ABCA5: variants seen among roughly 807,000 people sequenced by gnomAD.
The protein encoded by ABCA5 is ATP binding cassette subfamily A member 5, also known as cholesterol transporter ABCA5.
In ABCA5, 163 loss-of-function variants were observed where a neutral mutation model predicts 206.0. That is an observed-to-expected ratio of 0.79 (90% CI 0.70 to 0.90). ABCA5 has a LOEUF of 0.90. Among genes scored for constraint, ABCA5 ranks in the 40% least tolerant of loss-of-function variants. The pLI, the probability that ABCA5 is intolerant of heterozygous loss-of-function variation, is 0.00. For missense variants in ABCA5, 1,859 were observed against 1,912.9 expected, an observed-to-expected ratio of 0.97 and a Z score of 0.53; for synonymous variants, 609 against 613.8, an observed-to-expected ratio of 0.99 and a Z score of 0.11.
chr17:69,265,035 G>T, intron 23 of ABCA5, 130 bp from the exon 24 acceptor site: 1 of 523,162 alleles, frequency 1.9e-6, no homozygotes, highest in Non-Finnish European at 3.1e-6. Context: ...CAGGCTTATA[G>T]GTAATAAAAG....
At chr17:69,249,879 A>G (rs1327335785) in intron 37 of ABCA5, 26 bp downstream of exon 37, 1 of 1,553,552 alleles carries the variant, frequency 6.4e-7, no homozygotes. Context: ...GGAATTTTAT[A>G]AGCCAAAATA....
chr17:69,289,825 G>A, intron 13 of ABCA5, 37 bp downstream of exon 13: 1 of 1,483,288 alleles, frequency 6.7e-7, no homozygotes, highest in South Asian at 1.2e-5. Flanking sequence ...ATTGATTACA[G>A]GAAATAAAAG....
intron 12 of ABCA5, 91 bp from the exon 13 acceptor site, chr17:69,290,128 A>G (rs1348861780): frequency 1.0e-5 from 9 of 873,170 alleles, no homozygotes; most frequent in East Asian, 8.6e-5. Context: ...TTTGGTTATA[A>G]CAGACATATA....
chr17:69,247,664 T>G lies in ABCA5; in HGVS notation c.4822-20A>C, dbSNP rs2074966513. The stretch of plus-strand genomic sequence containing the variant: ...AAAAACCTAGGTGAAAAGAAATAAA[T>G]GAATACAGTATGCTGTATCTCAAGT... On this transcript the variant is annotated intron_variant, in intron 38 of 38. Transcript: ENST00000392676. The G allele has an allele frequency of 6.9e-7, 1 of 1,449,320 alleles. No individual in the cohort carries two copies. The highest frequency in any genetic ancestry group is 2.3e-5 in the East Asian group (1 of 43,726). The allele number at this position is 1,449,320 out of a possible 1,614,324, so 89.8% of individuals were successfully genotyped here. A position where few individuals can be genotyped will look rare whatever the true frequency, so the allele number is the denominator to read the frequency against.
At chr17:69,277,436 TA>T (rs2075345514) in intron 19 of ABCA5, among the ~76,000 whole-genome samples, 1 of 152,148 alleles carries the variant, frequency 6.6e-6, no homozygotes, top group Admixed American at 6.5e-5. Flanking sequence ...GATGAGACAA[TA>T]AATGCTAGTT....
At chr17:69,279,868 G>A (rs1255900864) in intron 18 of ABCA5, among the ~76,000 whole-genome samples, 9 of 152,052 alleles carry the variant, frequency 5.9e-5, no homozygotes, top group Admixed American at 1.3e-4. Context: ...CTTACACCTT[G>A]TACAAAAATC....
Position 69,297,331 on chromosome 17 carries a change from T to C in ABCA5, c.1296A>G (p.Leu432=), listed in dbSNP as rs2075594848. Residue 432 remains leucine, a synonymous_variant, in exon 10 of 39, where the codon TTA becomes TTG. Transcript: ENST00000392676. ...PGEFGLRRSS[L]YFLKPSYWSK... ...ACCAATATGAAGGCTTCAGAAAATA[T>C]AAAGATGATCTCCGTAAGCCAAATT... 6.2e-7 allele frequency: 1 copy of C among 1,604,738 alleles called. No homozygotes were observed. The highest frequency in any genetic ancestry group is 8.5e-7 in the Non-Finnish European group (1 of 1,177,736).
At chr17:69,299,422 GCCCAT>G (rs1438969047) in intron 9 of ABCA5, among the ~76,000 whole-genome samples, 1 of 147,630 alleles carries the variant, frequency 6.8e-6, no homozygotes, top group Non-Finnish European at 1.5e-5. Flanking sequence ...CAACCTAAAT[GCCCAT>G]CCCAACAACT....
intron 9 of ABCA5, among the ~76,000 whole-genome samples, chr17:69,299,108 A>C (rs915676392): frequency 2.0e-5 from 3 of 152,188 alleles, no homozygotes; most frequent in African/African-American, 7.2e-5. Flanking sequence ...TCAAAACCAC[A>C]ATGTGATACC....
chr17:69,305,694 A>T (rs1034317674), intron 6 of ABCA5, among the ~76,000 whole-genome samples: 2 of 151,936 alleles, frequency 1.3e-5, no homozygotes, highest in Non-Finnish European at 2.9e-5. Context: ...ACATGGCGAG[A>T]CCCCCGTCCC....
Position 69,253,676 on chromosome 17 carries a change from A to C in ABCA5, c.4321-9T>G, listed in dbSNP as rs765457976. 3 of 1,610,386 alleles carry C rather than the reference A, an allele frequency of 1.9e-6. No individual in the cohort carries two copies. The highest frequency in any genetic ancestry group is 2.2e-5 in the South Asian group (2 of 91,002). ...CTTAGAGCAAAACACAACTACATGG[A>C]AAGAAAAAGATGGGTGGGAAATTAA... On this transcript the variant is annotated splice_polypyrimidine_tract_variant and intron_variant, in intron 33 of 38. Coordinates refer to ENST00000392676, the MANE Select transcript of ABCA5 (RefSeq NM_172232.4).
At chr17:69,256,433 T>C in intron 28 of ABCA5, 150 bp from the exon 29 acceptor site, 1 of 459,364 alleles carries the variant, frequency 2.2e-6, no homozygotes. Context: ...AAGCGATATT[T>C]CTTTTTTTTT....
At position 69,245,224 on chromosome 17, in the gene ABCA5, C is replaced by T. The variant is rs964478376; in HGVS notation, c.*2313G>A. ...CCACAAAAGTAAGATGTAAAGTACA[C>T]TCATCATGTTTTTTCTTGCCTTATT... On this transcript the variant is annotated 3_prime_UTR_variant, in exon 39 of 39. Coordinates refer to ENST00000392676, the MANE Select transcript of ABCA5 (RefSeq NM_172232.4). 1 of 151,686 alleles carries T rather than the reference C, an allele frequency of 6.6e-6. No individual in the cohort carries two copies. Among genetic ancestry groups the T allele is most frequent in the African/African-American group, 2.4e-5 (1 of 41,380 alleles). 9.4% of individuals were successfully genotyped at this position (151,686 alleles called of 1,614,324 possible).
rs571034242 is a variant in ABCA5 at position 69,301,127 on chromosome 17, C to T, written c.1267+12G>A. On this transcript the variant is annotated intron_variant, in intron 9 of 38. Coordinates refer to ENST00000392676, the MANE Select transcript of ABCA5 (RefSeq NM_172232.4). ...AAATCTTTAAAGTAAAATTCAAAAA[C>T]CATCTGCATACCTGGAATGACTTGA... 1 of 1,487,716 alleles carries T rather than the reference C, an allele frequency of 6.7e-7. No individual in the cohort carries two copies. The highest frequency in any genetic ancestry group is 1.5e-5 in the South Asian group (1 of 67,570). 92.2% of individuals were successfully genotyped at this position (1,487,716 alleles called of 1,614,324 possible).
chr17:69,300,222 T>C (rs563408162), intron 9 of ABCA5, among the ~76,000 whole-genome samples: 3 of 152,286 alleles, frequency 2.0e-5, no homozygotes, highest in South Asian at 2.1e-4. Context: ...ATAAGAAGCA[T>C]GCAACCTAGA....
At chr17:69,283,918 C>A in intron 18 of ABCA5, 35 bp downstream of exon 18, 1 of 1,590,976 alleles carries the variant, frequency 6.3e-7, no homozygotes, top group South Asian at 1.2e-5. Context: ...CTGTCTGATT[C>A]ATTGCCTAAA....
At chr17:69,277,177 T>C (rs900924732) in intron 19 of ABCA5, among the ~76,000 whole-genome samples, 1 of 152,174 alleles carries the variant, frequency 6.6e-6, no homozygotes, top group Non-Finnish European at 1.5e-5. Flanking sequence ...AGTTTCCTCA[T>C]AGGATAAATA....
chr17:69,317,399 CAAAAAAAAAAAAA>C (rs1168274624), intron 1 of ABCA5, among the ~76,000 whole-genome samples: 2 of 74,572 alleles, frequency 2.7e-5, no homozygotes, highest in East Asian at 7.9e-4. Context: ...GACTCTGTCT[CAAAAAAAAAAAAA>C]AAAAAAAAAA....
intron 33 of ABCA5, 54 bp from the exon 34 acceptor site, chr17:69,253,721 A>C: frequency 6.3e-7 from 1 of 1,581,344 alleles, no homozygotes; most frequent in Non-Finnish European, 8.7e-7. Context: ...ACTATAAGGA[A>C]TCTATCAAGA....
Sources: allele counts gnomAD v4.1 joint callset (sites outside exome capture counted in the v4.1 genomes callset), GRCh38; gene constraint gnomAD v4.1.1; transcripts MANE v1.5; gene names NCBI Gene and HGNC (gene_info 2026-07-23, HGNC 2026-07-21).